RCSD1: variants seen among roughly 807,000 people sequenced by gnomAD.
The protein encoded by RCSD1 is capZ-interacting protein.
Under a neutral mutation model 42.5 loss-of-function variants are expected in RCSD1, and 26 were observed. The ratio of observed to expected loss-of-function variants is 0.61; its 90% confidence interval spans 0.45 to 0.85. The LOEUF is 0.85. Among genes scored for constraint, RCSD1 ranks in the 40% least tolerant of loss-of-function variants. The probability of loss-of-function intolerance (pLI) is 0.00; values close to 1 mark genes in which losing one functional copy is unlikely to be tolerated. For missense variants in RCSD1, 571 were observed against 528.3 expected (o/e 1.08, Z -0.79); for synonymous variants, 220 against 212.2 (o/e 1.04, Z -0.32).
chr1:167,673,188 A>G (rs1241283208), intron 1 of RCSD1, among the ~76,000 whole-genome samples: 1 of 152,226 alleles, frequency 6.6e-6, no homozygotes, highest in African/African-American at 2.4e-5. Flanking sequence ...AGAAGAGAAG[A>G]AGAACAAAGA....
chr1:167,707,237 A>G lies in RCSD1; in HGVS notation c.*2541A>G, dbSNP rs1309549698. On this transcript the variant is annotated 3_prime_UTR_variant, in exon 7 of 7. Transcript: ENST00000367854. ...ACGGAGATCACCCTGAACAATGCCC[A>G]GTTTTTCATGCAGGTTTTGTCCTAT... Among the ~76,000 whole-genome samples, 9 of 152,246 alleles carry G rather than the reference A, an allele frequency of 5.9e-5. No individual in the cohort carries two copies. The highest frequency in any genetic ancestry group is 2.2e-4 in the African/African-American group (9 of 41,470).
At position 167,683,969 on chromosome 1, in the gene RCSD1, C is replaced by A. The variant is rs143865913; in HGVS notation, c.76C>A (p.Arg26=). The change falls in exon 2 of 7, where the codon CGG becomes AGG. Residue 26 remains arginine, a synonymous_variant. Transcript: ENST00000367854. ...CCCCTCGGTGGCCCAGCTGGCCGGG[C>A]GGTTTAGGGAGCAGGCGGCTGCAGC... is the stretch of plus-strand genomic sequence containing the variant. ...ASPSVAQLAG[R]FREQAAAAKE... 91 of 1,613,986 alleles carry A rather than the reference C, an allele frequency of 5.6e-5. No individual in the cohort carries two copies. The African/African-American group carries it at 1.2e-3, about 21-fold the overall frequency.
In RCSD1 at chr1:167,665,541, A is replaced by G. The variant is rs1658637005; in HGVS notation, c.7-18359A>G. Among the ~76,000 whole-genome samples, 4 of 152,346 alleles carry G rather than the reference A, an allele frequency of 2.6e-5. 1 individual carries two copies. In the South Asian group the frequency reaches 8.3e-4, roughly 32 times the overall value. ...CTTAACTTCACGAGCAGCTACCAAA[A>G]TATTTTTCAAAGTGACTATACTGTT... On this transcript the variant is annotated intron_variant, in intron 1 of 6. Transcript: ENST00000367854.
At chr1:167,652,772 T>G (rs1658344046) in intron 1 of RCSD1, among the ~76,000 whole-genome samples, 1 of 152,208 alleles carries the variant, frequency 6.6e-6, no homozygotes, top group Non-Finnish European at 1.5e-5. Flanking sequence ...ATGTTGGATA[T>G]TCGTCATTTG....
chr1:167,659,891 G>C (rs1658503589), intron 1 of RCSD1, among the ~76,000 whole-genome samples: 1 of 152,012 alleles, frequency 6.6e-6, no homozygotes, highest in African/African-American at 2.4e-5. Context: ...GTCTTTTCCT[G>C]CCATCTTAGC....
At chr1:167,676,950 G>A (rs889552893) in intron 1 of RCSD1, among the ~76,000 whole-genome samples, 1 of 152,212 alleles carries the variant, frequency 6.6e-6, no homozygotes, top group Non-Finnish European at 1.5e-5. Context: ...GCCTGCGTGT[G>A]GGTCCTTTGT....
chr1:167,630,290 C>G lies in RCSD1; in HGVS notation c.-134C>G. ...CCGCAGCCGAGCGCAGCCGGGCGCG[C>G]GCCACCGCCCACTCGCCCTGTGCCC... On this transcript the variant is annotated 5_prime_UTR_variant, in exon 1 of 7. Transcript: ENST00000367854. 2.0e-6 allele frequency: 2 copies of G among 1,013,678 alleles called. No individual in the cohort carries two copies. The highest frequency in any genetic ancestry group is 4.8e-5 in the South Asian group (1 of 20,928). 62.8% of individuals were successfully genotyped at this position (1,013,678 alleles called of 1,614,324 possible).
chr1:167,663,543 T>C (rs1170353574), intron 1 of RCSD1: 1 of 152,212 alleles, frequency 6.6e-6, no homozygotes, highest in Non-Finnish European at 1.5e-5. Context: ...TCTGAGAGAG[T>C]GTCCTCATGG....
In RCSD1 at chr1:167,676,458, A is replaced by G. The variant is rs186543257; in HGVS notation, c.7-7442A>G. On this transcript the variant is annotated intron_variant, in intron 1 of 6. Coordinates refer to ENST00000367854, the MANE Select transcript of RCSD1 (RefSeq NM_052862.4). ...TGAGACTCAGAGAGGTTCACACCCA[A>G]CATATATCAGAAGCAAGACTGAAAC... 7.9e-5 allele frequency among the ~76,000 whole-genome samples: 12 copies of G among 152,332 alleles called. No homozygotes were observed. The East Asian group carries it at 2.3e-3, about 29-fold the overall frequency.
chr1:167,682,213 A>G (rs1659098532), intron 1 of RCSD1, among the ~76,000 whole-genome samples: 1 of 144,578 alleles, frequency 6.9e-6, no homozygotes, highest in Non-Finnish European at 1.5e-5. Context: ...TCTGTCACCC[A>G]GTCTGGAGTG....
At position 167,698,151 on chromosome 1, in the gene RCSD1, A is replaced by T. The variant is rs61808919; in HGVS notation, c.1218+309A>T. Among the ~76,000 whole-genome samples the T allele has an allele frequency of 5.1e-3, 777 of 152,314 alleles. 4 individuals are homozygous for T. Among genetic ancestry groups the T allele is most frequent in the Non-Finnish European group, 6.7e-3 (455 of 68,016 alleles). ...GGCTCAGTAACTGAGGCCTGCAAGC[A>T]TCTATGGAAGCCTGCTGAGTGCAGG... On this transcript the variant is annotated intron_variant, in intron 6 of 6. Transcript: ENST00000367854.
intron 3 of RCSD1, among the ~76,000 whole-genome samples, chr1:167,689,821 C>T (rs1659332447): frequency 1.3e-5 from 2 of 152,148 alleles, no homozygotes; most frequent in East Asian, 1.9e-4. Context: ...AGGATGTCGG[C>T]GCTGACTTCT....
intron 1 of RCSD1, among the ~76,000 whole-genome samples, chr1:167,678,337 G>A (rs1405162630): frequency 1.3e-5 from 2 of 152,132 alleles, no homozygotes; most frequent in Non-Finnish European, 2.9e-5. Flanking sequence ...TAATAGACAT[G>A]TCAGACTTTC....
chr1:167,697,020 A>G, intron 5 of RCSD1, 79 bp from the exon 6 acceptor site: 5 of 1,327,174 alleles, frequency 3.8e-6, no homozygotes, highest in East Asian at 2.3e-5. Flanking sequence ...CACCAGACTG[A>G]CATTGAAAGT....
intron 1 of RCSD1, among the ~76,000 whole-genome samples, chr1:167,654,905 G>A (rs1314732232): frequency 2.0e-5 from 3 of 152,146 alleles, no homozygotes; most frequent in Non-Finnish European, 4.4e-5. Context: ...AGGGGAGACA[G>A]AATCCGACAT....
chr1:167,677,952 G>C (rs997007204), intron 1 of RCSD1, among the ~76,000 whole-genome samples: 10 of 152,206 alleles, frequency 6.6e-5, no homozygotes, highest in Non-Finnish European at 1.3e-4. Context: ...AGATTTGCCT[G>C]ATGCGTTTCA....
Position 167,687,964 on chromosome 1 carries a change from T to C in RCSD1, c.199-2085T>C, listed in dbSNP as rs117838956. ...CATCTGGAAATTAGTCCGTAGTTTCTAGACGTGGTAATAATGTCATGTAAA... is the reference window on the plus strand; with the variant it reads ...CATCTGGAAATTAGTCCGTAGTTTCCAGACGTGGTAATAATGTCATGTAAA... On this transcript the variant is annotated intron_variant, in intron 3 of 6. Coordinates refer to ENST00000367854, the MANE Select transcript of RCSD1 (RefSeq NM_052862.4). Among the ~76,000 whole-genome samples, 26 of 152,354 alleles carry C rather than the reference T, an allele frequency of 1.7e-4. No homozygotes were observed. The East Asian group carries it at 5.0e-3, about 29-fold the overall frequency.
chr1:167,630,366 C>G lies in RCSD1; in HGVS notation c.-58C>G. 6.8e-7 allele frequency: 1 copy of G among 1,466,624 alleles called. No individual in the cohort carries two copies. The highest frequency in any genetic ancestry group is 9.1e-7 in the Non-Finnish European group (1 of 1,099,560). 90.9% of individuals were successfully genotyped at this position (1,466,624 alleles called of 1,614,324 possible). A position where few individuals can be genotyped will look rare whatever the true frequency, so the allele number is the denominator to read the frequency against. On this transcript the variant is annotated 5_prime_UTR_variant, in exon 1 of 7. In the 5' UTR this introduces an upstream ATG that the reference lacks. Transcript: ENST00000367854. ...CGGGAGCGGAGGGGACAGCGGGGATCGTGAGCTCCGGCCCGGGCGAGCGGG... is the reference window on the plus strand; with the variant it reads ...CGGGAGCGGAGGGGACAGCGGGGATGGTGAGCTCCGGCCCGGGCGAGCGGG...
At chr1:167,667,336 T>C (rs1226614312) in intron 1 of RCSD1, among the ~76,000 whole-genome samples, 1 of 152,210 alleles carries the variant, frequency 6.6e-6, no homozygotes, top group African/African-American at 2.4e-5. Flanking sequence ...ACCAGAGATG[T>C]GGACTTCAGA....
Sources: allele counts gnomAD v4.1 joint callset (sites outside exome capture counted in the v4.1 genomes callset), GRCh38; gene constraint gnomAD v4.1.1; transcripts MANE v1.5; gene names NCBI Gene and HGNC (gene_info 2026-07-23, HGNC 2026-07-21).